Variants in CAST observed in about 807,000 individuals in gnomAD.
The protein encoded by CAST is MIR583 host.
A neutral mutation model predicts 119.6 loss-of-function variants in CAST; 76 were observed. The ratio of observed to expected loss-of-function variants is 0.64; its 90% confidence interval spans 0.53 to 0.77. The LOEUF (loss-of-function observed/expected upper bound fraction) is 0.77, where lower values mean the gene tolerates loss of function less well. CAST is among the 30% of genes least tolerant of loss of function. CAST has a pLI of 0.00. For missense variants in CAST, 953 were observed against 946.5 expected (o/e 1.01, Z -0.09); for synonymous variants, 319 against 331.6 (o/e 0.96, Z 0.41).
chr5:96,305,532 G>A, the CAST span, among the ~76,000 whole-genome samples: 5 of 152,160 alleles, frequency 3.3e-5, no homozygotes, highest in Non-Finnish European at 7.4e-5. Flanking sequence ...GTCTTGTGCC[G>A]GTTTTCAAAG....
chr5:96,459,074 C>T, the CAST span, among the ~76,000 whole-genome samples: 5 of 152,090 alleles, frequency 3.3e-5, no homozygotes, highest in Non-Finnish European at 7.4e-5. Context: ...AAAGTGAGTG[C>T]TTCTATACTG....
intron 1 of CAST, among the ~76,000 whole-genome samples, chr5:96,642,787 G>A (rs1021457104): frequency 6.6e-6 from 1 of 152,060 alleles, no homozygotes; most frequent in African/African-American, 2.4e-5. Context: ...AACCTCAAGT[G>A]ATCCGCCCAC....
intron 1 of CAST, among the ~76,000 whole-genome samples, chr5:96,566,873 T>C (rs996773100): frequency 1.3e-5 from 2 of 152,260 alleles, no homozygotes; most frequent in Non-Finnish European, 2.9e-5. Flanking sequence ...GTCATTGAGT[T>C]TGTAAAACAC....
the CAST span, among the ~76,000 whole-genome samples, chr5:96,207,317 G>A: frequency 6.6e-6 from 1 of 151,956 alleles, no homozygotes; most frequent in Non-Finnish European, 1.5e-5. Context: ...TGGTAACTCT[G>A]GCTAGGATTT....
the CAST span, among the ~76,000 whole-genome samples, chr5:96,294,715 G>T: frequency 3.8e-4 from 58 of 152,288 alleles, no homozygotes; most frequent in African/African-American, 1.3e-3. Context: ...CACCAGCTAA[G>T]GTTGCCAGCA....
At chr5:96,284,026 G>C in the CAST span, among the ~76,000 whole-genome samples, 1 of 152,170 alleles carries the variant, frequency 6.6e-6, no homozygotes, top group Non-Finnish European at 1.5e-5. Context: ...CACCAGGTAA[G>C]AGGCAGCATT....
At chr5:96,355,682 C>T in the CAST span, among the ~76,000 whole-genome samples, 1 of 152,076 alleles carries the variant, frequency 6.6e-6, no homozygotes, top group Admixed American at 6.6e-5. Flanking sequence ...ACGTCCTCTC[C>T]AGCATCTGTT....
At position 96,742,683 on chromosome 5, in the gene CAST, C is replaced by T. The variant is rs138552693; in HGVS notation, c.1127C>T (p.Ala376Val). The T allele has an allele frequency of 6.2e-7, 1 of 1,613,680 alleles. No homozygotes were observed. The highest frequency in any genetic ancestry group is 1.1e-5 in the South Asian group (1 of 91,076). ...ACAATGAGTGATCAAGCACTCGAGG[C>T]TCTGTCGGCTTCACTGGGCACCCGG... ...KDTMSDQALE[A>V]LSASLGTRQA... The change falls in exon 16 of 32, where the codon GCT (alanine) becomes GTT (valine). Residue 376 changes from alanine to valine, a missense_variant. Physicochemically the swap from Ala to Val is moderately conservative, Grantham distance 64. Coordinates refer to ENST00000675179, the MANE Select transcript of CAST (RefSeq NM_001750.7).
the CAST span, among the ~76,000 whole-genome samples, chr5:96,194,524 C>T: frequency 6.6e-6 from 1 of 152,136 alleles, no homozygotes; most frequent in African/African-American, 2.4e-5. Context: ...AGATTTCAGT[C>T]TTCAAGGATA....
At chr5:96,180,938 CA>C in the CAST span, among the ~76,000 whole-genome samples, 1 of 152,176 alleles carries the variant, frequency 6.6e-6, no homozygotes, top group South Asian at 2.1e-4. Context: ...CATCTAGAAC[CA>C]AATCCCCAAA....
At chr5:96,495,267 T>A in the CAST span, among the ~76,000 whole-genome samples, 1 of 152,288 alleles carries the variant, frequency 6.6e-6, no homozygotes, top group East Asian at 1.9e-4. Flanking sequence ...TTTGTTTTTT[T>A]TACTTTAAGT....
intron 1 of CAST, among the ~76,000 whole-genome samples, chr5:96,645,176 C>T (rs1479411455): frequency 2.0e-5 from 3 of 152,134 alleles, no homozygotes; most frequent in Non-Finnish European, 4.4e-5. Context: ...AGTTGGAGTA[C>T]ATCTAGTATT....
At chr5:96,064,859 T>G in the CAST span, among the ~76,000 whole-genome samples, 8 of 152,310 alleles carry the variant, frequency 5.3e-5, no homozygotes, top group Admixed American at 4.6e-4. Flanking sequence ...TGCTACTATA[T>G]TATTTCTATG....
the CAST span, among the ~76,000 whole-genome samples, chr5:96,208,643 ATCT>A: frequency 2.8e-4 from 43 of 151,966 alleles, no homozygotes; most frequent in Non-Finnish European, 3.4e-4. Flanking sequence ...GTTTTGAGTA[ATCT>A]TCTTGGTACT....
chr5:95,984,117 G>C, the CAST span, among the ~76,000 whole-genome samples: 1 of 152,106 alleles, frequency 6.6e-6, no homozygotes, highest in Non-Finnish European at 1.5e-5. Flanking sequence ...TCAACACTAA[G>C]TACAGCTCCT....
the CAST span, among the ~76,000 whole-genome samples, chr5:96,181,264 A>T: frequency 6.6e-6 from 1 of 152,202 alleles, no homozygotes; most frequent in Non-Finnish European, 1.5e-5. Context: ...AAAAGTACAA[A>T]ATTTATATAT....
At chr5:96,022,086 A>G in the CAST span, among the ~76,000 whole-genome samples, 1 of 152,198 alleles carries the variant, frequency 6.6e-6, no homozygotes, top group African/African-American at 2.4e-5. Flanking sequence ...AAGAATCTAG[A>G]GATGATTTAG....
chr5:96,588,144 G>A (rs747834477), intron 1 of CAST, among the ~76,000 whole-genome samples: 13 of 148,664 alleles, frequency 8.7e-5, no homozygotes, highest in Non-Finnish European at 1.6e-4. Context: ...AATTAATATG[G>A]ATGTTATAAG....
At chr5:96,299,794 AAGTTAT>A in the CAST span, among the ~76,000 whole-genome samples, 1 of 152,302 alleles carries the variant, frequency 6.6e-6, no homozygotes, top group East Asian at 1.9e-4. Flanking sequence ...ATATATTGAC[AAGTTAT>A]AGTTGTATAT....
Sources: gnomAD v4.1 joint callset for allele counts (sites outside exome capture counted in the v4.1 genomes callset) on GRCh38, gnomAD v4.1.1 for gene constraint, MANE v1.5 for transcripts, NCBI Gene and HGNC (gene_info 2026-07-23, HGNC 2026-07-21) for gene names.